IDE: variants seen among roughly 807,000 people sequenced by gnomAD.
IDE encodes the protein insulin-degrading enzyme.
In IDE, 58 loss-of-function variants were observed where a neutral mutation model predicts 133.2. The ratio of observed to expected loss-of-function variants is 0.44; its 90% CI spans 0.35 to 0.54. The LOEUF is 0.54. IDE is among the 20% of genes least tolerant of loss of function. The pLI, the probability that IDE is intolerant of heterozygous loss-of-function variation, is 0.00. For synonymous variants in IDE, 396 were observed against 421.3 expected, an observed-to-expected ratio of 0.94 and a Z score of 0.73; for missense variants, 981 against 1,234.0, an observed-to-expected ratio of 0.79 and a Z score of 3.07.
chr10:92,495,276 A>C (rs1406397834), intron 11 of IDE, among the ~76,000 whole-genome samples: 1 of 143,552 alleles, frequency 7.0e-6, no homozygotes, highest in Non-Finnish European at 1.5e-5. Context: ...GCTGGAGTGC[A>C]GTGGCGCGAT....
intron 1 of IDE, among the ~76,000 whole-genome samples, chr10:92,563,485 G>C (rs1236577965): frequency 3.3e-5 from 5 of 151,858 alleles, no homozygotes; most frequent in Admixed American, 2.6e-4. Flanking sequence ...GGGCATGGTG[G>C]CTCAAACCTG....
chr10:92,539,207 G>A lies in IDE; in HGVS notation c.99-1657C>T, dbSNP rs966549154. Among the ~76,000 whole-genome samples, 5 of 145,458 alleles carry A rather than the reference G, an allele frequency of 3.4e-5. No individual in the cohort carries two copies. The South Asian group carries it at 6.5e-4, about 19-fold the overall frequency. Reference sequence around the variant, plus strand: ...CCTAGATCTTTTTTTTTTTTCTCTCGCCCTCTCTTACAGTGCTGATAGATC... The same window carrying A: ...CCTAGATCTTTTTTTTTTTTCTCTCACCCTCTCTTACAGTGCTGATAGATC... On this transcript the variant is annotated intron_variant, in intron 1 of 24. Transcript: ENST00000265986.
chr10:92,506,591 G>A, intron 9 of IDE, 69 bp from the exon 10 acceptor site: 1 of 714,626 alleles, frequency 1.4e-6, no homozygotes, highest in African/African-American at 1.9e-5. Context: ...TTTTTTTTAA[G>A]TGTTTGGCTT....
intron 4 of IDE, among the ~76,000 whole-genome samples, chr10:92,522,880 G>T (rs1161683804): frequency 6.6e-6 from 1 of 152,078 alleles, no homozygotes; most frequent in Admixed American, 6.5e-5. Context: ...GCAAGAAAAA[G>T]GAGGAAGAAA....
intron 22 of IDE, 128 bp from the exon 23 acceptor site, chr10:92,456,559 C>A (rs2135296036): frequency 2.8e-6 from 2 of 714,562 alleles, no homozygotes; most frequent in South Asian, 1.6e-5. Flanking sequence ...CCCTTTCTGG[C>A]CGGGTGCAGT....
rs139878071 is a variant in IDE at position 92,515,009 on chromosome 10, T to C, written c.695A>G (p.Gln232Arg). The C allele has an allele frequency of 1.9e-6, 3 of 1,611,632 alleles. No homozygotes were observed. In the African/African-American group the frequency reaches 4.0e-5, roughly 22 times the overall value. ...NKYTLETRPN[Q>R]EGIDVRQELL... ...CTCTTGTCTTACATCAATGCCTTCT[T>C]GGTTTGGTCTAGTCTCCAGAGTATA... The change falls in exon 5 of 25, where the codon CAA (glutamine) becomes CGA (arginine). Residue 232 changes from glutamine (Q) to arginine (R), a missense_variant. Physicochemically the swap from Gln to Arg is conservative, Grantham distance 43. This residue lies in a region of IDE where 321 missense variants were observed against 339.3 expected (regional missense o/e 0.95). Transcript: ENST00000265986.
intron 19 of IDE, among the ~76,000 whole-genome samples, chr10:92,466,912 C>A (rs1307513576): frequency 6.6e-6 from 1 of 151,732 alleles, no homozygotes; most frequent in Non-Finnish European, 1.5e-5. Context: ...GCCACTGCAC[C>A]CGGCTGCCTG....
intron 19 of IDE, among the ~76,000 whole-genome samples, chr10:92,467,871 G>C (rs1257824153): frequency 2.0e-5 from 3 of 152,160 alleles, no homozygotes; most frequent in African/African-American, 7.2e-5. Context: ...ATTCAACAAA[G>C]GTATCCTGAA....
Position 92,475,879 on chromosome 10 carries a change from C to CT in IDE, c.1995+4dup. 1.7e-6 allele frequency: 2 copies of CT among 1,178,912 alleles called. No individual in the cohort carries two copies. Among genetic ancestry groups the CT allele is most frequent in the Non-Finnish European group, 2.5e-6 (2 of 810,298 alleles). The allele number at this position is 1,178,912 out of a possible 1,614,324, so 73.0% of individuals were successfully genotyped here. A position where few individuals can be genotyped will look rare whatever the true frequency, so the allele number is the denominator to read the frequency against. ...GAATAAAAAAGCAGGGTTCAGAAAA[C>CT]TTACTGCTTCTTTGATAATTTCAAA... On this transcript the variant is annotated splice_donor_region_variant and intron_variant, in intron 16 of 24. Transcript: ENST00000265986.
intron 1 of IDE, among the ~76,000 whole-genome samples, chr10:92,550,855 C>T (rs1241547699): frequency 1.3e-5 from 2 of 151,956 alleles, no homozygotes; most frequent in Admixed American, 6.6e-5. Context: ...GGCAACAGAG[C>T]GAGACTCGGT....
At chr10:92,489,087 C>G (rs181221135) in intron 12 of IDE, among the ~76,000 whole-genome samples, 152 of 151,962 alleles carry the variant, frequency 1.0e-3, no homozygotes, top group Admixed American at 2.1e-3. Context: ...TGGTGTGGCA[C>G]AGCCTTGCAG....
chr10:92,454,571 T>C, intron 24 of IDE, 32 bp from the exon 25 acceptor site: 11 of 1,505,600 alleles, frequency 7.3e-6, no homozygotes, highest in Non-Finnish European at 1.0e-5. Context: ...TTTAGTGTAT[T>C]TAACCTAAAC....
intron 24 of IDE, among the ~76,000 whole-genome samples, chr10:92,455,211 C>T (rs1844927237): frequency 6.6e-6 from 1 of 152,126 alleles, no homozygotes. Context: ...CACAGTGTCT[C>T]GTGCCTGTAA....
intron 1 of IDE, among the ~76,000 whole-genome samples, chr10:92,562,216 C>G (rs10882083): frequency 0.37 from 56,899 of 152,056 alleles, 11,990 homozygotes; most frequent in East Asian, 0.67. Flanking sequence ...TGCCACATCC[C>G]AGCCTACTGG....
chr10:92,471,907 T>C (rs999261629), intron 17 of IDE, among the ~76,000 whole-genome samples: 2 of 151,974 alleles, frequency 1.3e-5, no homozygotes, highest in Admixed American at 6.6e-5. Context: ...CCATGTTTAA[T>C]TGATCATTTT....
chr10:92,510,460 G>A (rs1212779835), intron 5 of IDE, among the ~76,000 whole-genome samples: 1 of 152,080 alleles, frequency 6.6e-6, no homozygotes, highest in African/African-American at 2.4e-5. Flanking sequence ...CTAGCAGATA[G>A]AGTATAATGT....
At chr10:92,533,457 A>G (rs78210402) in intron 3 of IDE, among the ~76,000 whole-genome samples, 5,016 of 152,264 alleles carry the variant, frequency 0.033, 137 homozygotes, top group Admixed American at 0.06. Flanking sequence ...TCAATAATAT[A>G]ATAACTATTA....
intron 1 of IDE, among the ~76,000 whole-genome samples, chr10:92,539,409 GC>G (rs1842189579): frequency 6.6e-6 from 1 of 152,084 alleles, no homozygotes; most frequent in Non-Finnish European, 1.5e-5. Context: ...ACATATTGGG[GC>G]TATGTTAGTA....
intron 15 of IDE, 131 bp downstream of exon 15, chr10:92,479,146 G>A (rs1016045633): frequency 7.0e-6 from 4 of 572,436 alleles, no homozygotes; most frequent in Non-Finnish European, 1.2e-5. Context: ...AAAATTAAAT[G>A]AGAAAATATG....
Sources: allele counts gnomAD v4.1 joint callset (sites outside exome capture counted in the v4.1 genomes callset), GRCh38; gene constraint gnomAD v4.1.1; regional missense constraint gnomAD v4.1.1; transcripts MANE v1.5; gene names NCBI Gene and HGNC (gene_info 2026-07-23, HGNC 2026-07-21).